Variants in PHACTR3 observed in about 807,000 individuals in gnomAD.
The protein encoded by PHACTR3 is phosphatase and actin regulator 3, also known as protein phosphatase 1, regulatory subunit 123.
A neutral mutation model predicts 66.8 loss-of-function variants in PHACTR3; 16 were observed. The ratio of observed to expected loss-of-function variants is 0.24; its 90% CI spans 0.16 to 0.36. The LOEUF is 0.36. Ranked by LOEUF, PHACTR3 falls within the 10% of genes least tolerant of loss-of-function variation. The pLI, the probability that PHACTR3 is intolerant of heterozygous loss-of-function variation, is 1.00. For synonymous variants in PHACTR3, 323 were observed against 292.1 expected (o/e 1.11, Z -1.08); for missense variants, 647 against 719.9 (o/e 0.90, Z 1.16).
At chr20:59,606,025 A>T (rs1196334928) in intron 1 of PHACTR3, among the ~76,000 whole-genome samples, 1 of 152,224 alleles carries the variant, frequency 6.6e-6, no homozygotes, top group African/African-American at 2.4e-5. Context: ...TTTGGTATCA[A>T]GCCACAGGAC....
At chr20:59,608,379 C>T (rs140358027) in intron 1 of PHACTR3, among the ~76,000 whole-genome samples, 31 of 152,324 alleles carry the variant, frequency 2.0e-4, no homozygotes, top group African/African-American at 6.7e-4. Flanking sequence ...ACTCTACACC[C>T]GTGAGCATGG....
intron 1 of PHACTR3, 68 bp from the exon 2 acceptor site, chr20:59,743,039 C>T: frequency 6.5e-7 from 1 of 1,549,932 alleles, no homozygotes; most frequent in South Asian, 1.2e-5. Flanking sequence ...GAGGTCATCA[C>T]CTTGGGCCCC....
At position 59,747,610 on chromosome 20, in the gene PHACTR3, C is replaced by T. The variant is rs113035942; in HGVS notation, c.281-148C>T. On this transcript the variant is annotated intron_variant, in intron 2 of 12. Transcript: ENST00000371015. ...CACTCTTGGTAAGAAAGTTGGGCCT[C>T]GCCAGTGGACTAGGCCCCCTAACCC... is the stretch of plus-strand genomic sequence containing the variant. 3.0e-4 allele frequency: 240 copies of T among 789,294 alleles called. No individual in the cohort carries two copies. The African/African-American group carries it at 3.4e-3, about 11-fold the overall frequency. 48.9% of individuals were successfully genotyped at this position (789,294 alleles called of 1,614,324 possible). A position where few individuals can be genotyped will look rare whatever the true frequency, so the allele number is the denominator to read the frequency against.
chr20:59,752,761 A>T (rs1309883497), intron 3 of PHACTR3, among the ~76,000 whole-genome samples: 1 of 152,198 alleles, frequency 6.6e-6, no homozygotes, highest in East Asian at 1.9e-4. Flanking sequence ...CAGTCATGGC[A>T]GCAAAAGACC....
intron 4 of PHACTR3, among the ~76,000 whole-genome samples, chr20:59,757,396 C>A (rs766871673): frequency 6.6e-6 from 1 of 152,212 alleles, no homozygotes; most frequent in Non-Finnish European, 1.5e-5. Context: ...GTATCAGGGA[C>A]CCTCTCCTGA....
chr20:59,591,913 T>G (rs1438119097), intron 1 of PHACTR3, among the ~76,000 whole-genome samples: 1 of 152,020 alleles, frequency 6.6e-6, no homozygotes, highest in Non-Finnish European at 1.5e-5. Flanking sequence ...GCCCCTCAAC[T>G]CTCCAGGCCT....
At chr20:59,624,268 CT>C (rs1290658886) in intron 1 of PHACTR3, among the ~76,000 whole-genome samples, 3 of 152,132 alleles carry the variant, frequency 2.0e-5, no homozygotes, top group Admixed American at 2.0e-4. Context: ...CCTACAGCCC[CT>C]GATCCACTGG....
rs1015019186 is a variant in PHACTR3, at chr20:59,829,016, G to T, written c.1329-7489G>T. Among the ~76,000 whole-genome samples the T allele has an allele frequency of 6.6e-6, 1 of 152,164 alleles. No homozygotes were observed. Among genetic ancestry groups the T allele is most frequent in the African/African-American group, 2.4e-5 (1 of 41,520 alleles). On this transcript the variant is annotated intron_variant, in intron 8 of 12. Transcript: ENST00000371015. The surrounding 1 kb of genome is among the most constrained non-coding windows in gnomAD (Gnocchi z 4.2). ...CTTGGAGCTTCCTGGGGTGTTGGAC[G>T]TAGGGAGTAAGAGGAGCCAGTTCTC...
At chr20:59,783,812 T>C (rs1050703808) in intron 7 of PHACTR3, among the ~76,000 whole-genome samples, 3 of 152,146 alleles carry the variant, frequency 2.0e-5, no homozygotes, top group Admixed American at 6.5e-5. Flanking sequence ...GATTTCAAGA[T>C]TGGGGCATGA....
chr20:59,671,065 T>A (rs1476661068), intron 1 of PHACTR3, among the ~76,000 whole-genome samples: 1 of 152,046 alleles, frequency 6.6e-6, no homozygotes, highest in Non-Finnish European at 1.5e-5. Context: ...GGAGAGAGCA[T>A]TTGGTTTCAG....
At chr20:59,748,197 C>T (rs949626503) in intron 3 of PHACTR3, among the ~76,000 whole-genome samples, 4 of 152,266 alleles carry the variant, frequency 2.6e-5, no homozygotes, top group African/African-American at 9.6e-5. Context: ...CATTTCAGTC[C>T]TCCATTTGGG....
intron 5 of PHACTR3, among the ~76,000 whole-genome samples, chr20:59,773,065 G>A (rs2040409249): frequency 6.6e-6 from 1 of 152,146 alleles, no homozygotes; most frequent in Admixed American, 6.5e-5. Flanking sequence ...CCCCTAACAG[G>A]GTTTGCCCTA....
intron 1 of PHACTR3, among the ~76,000 whole-genome samples, chr20:59,642,212 C>T (rs1022049023): frequency 1.3e-5 from 2 of 152,260 alleles, no homozygotes; most frequent in East Asian, 3.9e-4. Flanking sequence ...GGATGCCACC[C>T]CAGCTTACCC....
At chr20:59,838,753 G>A (rs2059008654) in intron 9 of PHACTR3, among the ~76,000 whole-genome samples, 1 of 152,184 alleles carries the variant, frequency 6.6e-6, no homozygotes, top group African/African-American at 2.4e-5. Context: ...CAAGCTGCTG[G>A]AGCTATTTCC....
intron 7 of PHACTR3, among the ~76,000 whole-genome samples, chr20:59,800,871 C>A (rs552878927): frequency 8.5e-5 from 13 of 152,282 alleles, no homozygotes; most frequent in Admixed American, 6.5e-4. Context: ...GAGCAGTGCT[C>A]AATTATTGAG....
Position 59,741,870 on chromosome 20 carries a change from A to G in PHACTR3, c.119-1237A>G, listed in dbSNP as rs569487021. On this transcript the variant is annotated intron_variant, in intron 1 of 12. Transcript: ENST00000371015. ...CTTTGCCTCCCGGGTTGAAACAATTATCCTGTCTCAGCCTCCTGAGTAGCT... is the reference window on the plus strand; with the variant it reads ...CTTTGCCTCCCGGGTTGAAACAATTGTCCTGTCTCAGCCTCCTGAGTAGCT... 2.7e-5 allele frequency among the ~76,000 whole-genome samples: 4 copies of G among 150,924 alleles called. No individual in the cohort carries two copies. In the East Asian group the frequency reaches 5.9e-4, roughly 22 times the overall value.
At chr20:59,662,054 G>A (rs902744085) in intron 1 of PHACTR3, among the ~76,000 whole-genome samples, 2 of 152,078 alleles carry the variant, frequency 1.3e-5, no homozygotes, top group Admixed American at 1.3e-4. Context: ...TGCTTGAAGG[G>A]CACTCTTTGT....
At chr20:59,761,981 G>A (rs2040007002) in intron 4 of PHACTR3, among the ~76,000 whole-genome samples, 1 of 152,248 alleles carries the variant, frequency 6.6e-6, no homozygotes, top group South Asian at 2.1e-4. Flanking sequence ...GTTAACAGAT[G>A]TTGCAATTTC....
intron 8 of PHACTR3, among the ~76,000 whole-genome samples, chr20:59,826,953 G>A (rs189884964): frequency 6.8e-4 from 104 of 152,214 alleles, no homozygotes; most frequent in Middle Eastern, 3.4e-3. Flanking sequence ...GTTTTCCTCC[G>A]GAGGATTTGA....
Sources: allele counts gnomAD v4.1 joint callset (sites outside exome capture counted in the v4.1 genomes callset), GRCh38; gene constraint gnomAD v4.1.1; non-coding constraint Gnocchi (gnomAD v3.1); transcripts MANE v1.5; gene names NCBI Gene and HGNC (gene_info 2026-07-23, HGNC 2026-07-21).